The following KCNH1 variants were observed in gnomAD, a reference collection of about 807,000 sequenced individuals.
KCNH1 encodes the protein voltage-gated delayed rectifier potassium channel KCNH1.
In KCNH1, 27 loss-of-function variants were observed where a neutral mutation model predicts 69.2. The ratio of observed to expected loss-of-function variants is 0.39; its 90% CI spans 0.29 to 0.54. The LOEUF (loss-of-function observed/expected upper bound fraction) is 0.54. KCNH1 is among the 20% of genes least tolerant of loss of function. The pLI is 0.68. For synonymous variants in KCNH1, 456 were observed against 487.7 expected (o/e 0.93, Z 0.86); for missense variants, 798 against 1,261.6 (o/e 0.63, Z 5.57).
chr1:211,071,332 T>TA (rs879835164), intron 5 of KCNH1, among the ~76,000 whole-genome samples: 278 of 151,342 alleles, frequency 1.8e-3, no homozygotes, highest in Middle Eastern at 3.4e-3. Context: ...CTAAACACGA[T>TA]AAAAAAAAAC....
intron 6 of KCNH1, among the ~76,000 whole-genome samples, chr1:210,987,176 G>A (rs1484257376): frequency 6.6e-6 from 1 of 151,996 alleles, no homozygotes; most frequent in African/African-American, 2.4e-5. Flanking sequence ...ATTCTAGTTA[G>A]CCATTCGTCT....
At chr1:210,823,464 G>A (rs76239523) in intron 7 of KCNH1, among the ~76,000 whole-genome samples, 1,949 of 152,264 alleles carry the variant, frequency 0.013, 21 homozygotes, top group Non-Finnish European at 0.02. Context: ...AAAGTCCCAA[G>A]TACAATGTGC....
At chr1:210,982,592 C>T (rs1286920817) in intron 6 of KCNH1, among the ~76,000 whole-genome samples, 2 of 152,190 alleles carry the variant, frequency 1.3e-5, no homozygotes, top group African/African-American at 2.4e-5. Context: ...CTACAAAGGA[C>T]ATGAACTCAT....
At chr1:210,850,246 C>A (rs1174122442) in intron 7 of KCNH1, among the ~76,000 whole-genome samples, 1 of 152,048 alleles carries the variant, frequency 6.6e-6, no homozygotes, top group East Asian at 1.9e-4. Context: ...GGCCTGTAAT[C>A]CCATCCTTTT....
chr1:210,685,908 C>T (rs1558422341), intron 10 of KCNH1, among the ~76,000 whole-genome samples: 1 of 152,214 alleles, frequency 6.6e-6, no homozygotes, highest in Non-Finnish European at 1.5e-5. Context: ...ACTAGAGGCC[C>T]ACGTCTATGC....
chr1:210,918,537 C>A (rs1370594636), intron 7 of KCNH1, among the ~76,000 whole-genome samples: 1 of 151,908 alleles, frequency 6.6e-6, no homozygotes, highest in Non-Finnish European at 1.5e-5. Context: ...TCATTGTTGT[C>A]TACAGCCAAA....
intron 4 of KCNH1, among the ~76,000 whole-genome samples, chr1:211,085,894 T>G (rs1004381908): frequency 1.8e-4 from 27 of 152,258 alleles, no homozygotes; most frequent in Non-Finnish European, 1.3e-4. Context: ...ATGGTCTTGT[T>G]CAGGGGAAAT....
intron 1 of KCNH1, among the ~76,000 whole-genome samples, chr1:211,109,882 AC>A (rs1415771150): frequency 2.0e-5 from 3 of 152,028 alleles, no homozygotes; most frequent in Non-Finnish European, 4.4e-5. Context: ...CAAAACAAAA[AC>A]AGAATGCTAT....
rs187850398 is a variant in KCNH1 at position 210,848,465 on chromosome 1, T to C, written c.1463-44299A>G. Among the ~76,000 whole-genome samples, 14 of 152,356 alleles carry C rather than the reference T, an allele frequency of 9.2e-5. No homozygotes were observed. In the East Asian group the frequency reaches 2.7e-3, roughly 29 times the overall value. On this transcript the variant is annotated intron_variant, in intron 7 of 10. Coordinates refer to ENST00000271751, the MANE Select transcript of KCNH1 (RefSeq NM_172362.3). ...AACAATCTACGTTCTAGATCATTAG[T>C]GCAAGAGTGGACTCTAGCGTCTCAC...
At chr1:211,026,392 A>C (rs958711351) in intron 5 of KCNH1, among the ~76,000 whole-genome samples, 11 of 151,616 alleles carry the variant, frequency 7.3e-5, no homozygotes, top group Non-Finnish European at 1.6e-4. Flanking sequence ...AAAAAAAAAA[A>C]AAACAACCAC....
chr1:210,835,768 G>A (rs1685267471), intron 7 of KCNH1, among the ~76,000 whole-genome samples: 1 of 152,152 alleles, frequency 6.6e-6, no homozygotes, highest in Non-Finnish European at 1.5e-5. Flanking sequence ...GGATGGAGAA[G>A]AGGACAATTG....
intron 7 of KCNH1, among the ~76,000 whole-genome samples, chr1:210,903,265 A>G (rs992988082): frequency 2.6e-5 from 4 of 152,166 alleles, no homozygotes; most frequent in Non-Finnish European, 4.4e-5. Flanking sequence ...CAAATTATAT[A>G]TGTACTTGTC....
At chr1:210,867,830 C>A (rs994318063) in intron 7 of KCNH1, among the ~76,000 whole-genome samples, 3 of 151,960 alleles carry the variant, frequency 2.0e-5, no homozygotes, top group African/African-American at 7.2e-5. Flanking sequence ...TGAGATTCAA[C>A]CATGTGTCAT....
intron 9 of KCNH1, among the ~76,000 whole-genome samples, chr1:210,788,106 C>T (rs1191627151): frequency 6.6e-6 from 1 of 152,158 alleles, no homozygotes; most frequent in Admixed American, 6.5e-5. Context: ...TCCAAGATTG[C>T]TATGGATGAG....
chr1:210,867,124 T>G (rs964151208), intron 7 of KCNH1, among the ~76,000 whole-genome samples: 9 of 151,744 alleles, frequency 5.9e-5, no homozygotes, highest in Non-Finnish European at 8.8e-5. Flanking sequence ...TGAGGAGAAA[T>G]GGAAAGTGAC....
intron 7 of KCNH1, among the ~76,000 whole-genome samples, chr1:210,881,055 T>C (rs927661865): frequency 2.0e-5 from 3 of 151,566 alleles, no homozygotes; most frequent in Admixed American, 6.6e-5. Flanking sequence ...TCTCACTCTG[T>C]CACCCAGGCT....
chr1:211,038,218 C>T (rs1285792556), intron 5 of KCNH1, among the ~76,000 whole-genome samples: 1 of 152,162 alleles, frequency 6.6e-6, no homozygotes, highest in Non-Finnish European at 1.5e-5. Flanking sequence ...GCCTCAGCCT[C>T]CCAAAGTGCT....
chr1:211,015,610 G>A (rs1385526073), intron 6 of KCNH1, among the ~76,000 whole-genome samples: 1 of 152,162 alleles, frequency 6.6e-6, no homozygotes, highest in East Asian at 1.9e-4. Context: ...GACTAATGCA[G>A]ATGAGATTTA....
At chr1:210,964,604 T>C (rs1271940184) in intron 6 of KCNH1, among the ~76,000 whole-genome samples, 2 of 152,146 alleles carry the variant, frequency 1.3e-5, no homozygotes, top group Non-Finnish European at 2.9e-5. Flanking sequence ...ATTGGGACAG[T>C]AATTAATAGC....
Sources: allele counts gnomAD v4.1 joint callset (sites outside exome capture counted in the v4.1 genomes callset), GRCh38; gene constraint gnomAD v4.1.1; transcripts MANE v1.5; gene names NCBI Gene and HGNC (gene_info 2026-07-23, HGNC 2026-07-21).